ADRA1D: variants seen among roughly 807,000 people sequenced by gnomAD.
The protein encoded by ADRA1D is adrenoceptor alpha 1D, also known as alpha-1D adrenergic receptor.
A neutral mutation model predicts 18.6 loss-of-function variants in ADRA1D; 22 were observed. The ratio of observed to expected loss-of-function variants is 1.19; its 90% CI spans 0.85 to 1.69. The LOEUF is 1.69. Ranked by LOEUF, ADRA1D falls within the 40% of genes most tolerant of loss-of-function variation. ADRA1D has a pLI of 0.00. For synonymous variants in ADRA1D, 376 were observed against 388.2 expected, an observed-to-expected ratio of 0.97 and a Z score of 0.37; for missense variants, 840 against 840.7, an observed-to-expected ratio of 1.00 and a Z score of 0.01.
chr20:4,229,416 G>A (rs1021710411), intron 1 of ADRA1D, among the ~76,000 whole-genome samples: 2 of 79,418 alleles, frequency 2.5e-5, no homozygotes, highest in Non-Finnish European at 6.0e-5. Flanking sequence ...AATGAAGCAG[G>A]AAGGAAGATG....
chr20:4,235,835 G>C (rs4815669), intron 1 of ADRA1D, among the ~76,000 whole-genome samples: 1 of 152,148 alleles, frequency 6.6e-6, no homozygotes, highest in Non-Finnish European at 1.5e-5. Flanking sequence ...TGCACGGTGG[G>C]GCTGGGGGGT....
In ADRA1D at chr20:4,248,123, C is replaced by T; in HGVS notation, c.835G>A (p.Val279Met). Residue 279 changes from valine to methionine, a missense_variant, in exon 1 of 2, where the codon GTG becomes ATG. Physicochemically the swap from Val to Met is conservative, Grantham distance 21. Coordinates refer to ENST00000379453, the MANE Select transcript of ADRA1D (RefSeq NM_000678.4). The stretch of plus-strand genomic sequence containing the variant: ...CTGCGCGTGGTGCTGCGCGCGACCA[C>T]GTACACGCGGCAGTACATGACCACG... ...VIVVMYCRVY[V>M]VARSTTRSLE... 6.4e-7 allele frequency: 1 copy of T among 1,567,022 alleles called. No homozygotes were observed. The highest frequency in any genetic ancestry group is 8.7e-7 in the Non-Finnish European group (1 of 1,155,856).
intron 1 of ADRA1D, among the ~76,000 whole-genome samples, chr20:4,240,775 C>T (rs1981193132): frequency 6.6e-6 from 1 of 152,080 alleles, no homozygotes; most frequent in South Asian, 2.1e-4. Context: ...GACTGGGAGA[C>T]AGAGAGACTC....
chr20:4,243,928 G>T (rs1009965345), intron 1 of ADRA1D, among the ~76,000 whole-genome samples: 1 of 152,204 alleles, frequency 6.6e-6, no homozygotes, highest in Non-Finnish European at 1.5e-5. Context: ...TACTCTCTGG[G>T]ATTCTCTGGA....
intron 1 of ADRA1D, among the ~76,000 whole-genome samples, chr20:4,231,347 G>A (rs956970515): frequency 1.3e-5 from 2 of 151,442 alleles, no homozygotes; most frequent in Non-Finnish European, 2.9e-5. Flanking sequence ...TTGAACCCCT[G>A]GCCTCAAATG....
intron 1 of ADRA1D, among the ~76,000 whole-genome samples, chr20:4,228,219 C>T (rs1406792035): frequency 6.6e-6 from 1 of 152,164 alleles, no homozygotes; most frequent in East Asian, 1.9e-4. Flanking sequence ...GAGACTCATC[C>T]AGCCAGATCC....
In ADRA1D at chr20:4,247,922, C is replaced by T. The variant is rs1981374231; in HGVS notation, c.1036G>A (p.Ala346Thr). 1.2e-6 allele frequency: 2 copies of T among 1,605,110 alleles called. No homozygotes were observed. Among genetic ancestry groups the T allele is most frequent in the South Asian group, 2.2e-5 (2 of 89,420 alleles). The change falls in exon 1 of 2, where the codon GCG becomes ACG. Residue 346 changes from alanine to threonine, a missense_variant. Physicochemically the swap from Ala to Thr is moderately conservative, Grantham distance 58. Coordinates refer to ENST00000379453, the MANE Select transcript of ADRA1D (RefSeq NM_000678.4). ...ACGACGATGGCCAGAGTCTTGGCCG[C>T]TTTCTTCTCACGGGAGAACTTGAGC... is the stretch of plus-strand genomic sequence containing the variant. ...RLLKFSREKK[A>T]AKTLAIVVGV...
intron 1 of ADRA1D, among the ~76,000 whole-genome samples, chr20:4,233,518 A>T (rs542250826): frequency 3.3e-5 from 5 of 152,120 alleles, no homozygotes; most frequent in African/African-American, 1.2e-4. Flanking sequence ...TCTCAACAAG[A>T]GAACAGATCA....
intron 1 of ADRA1D, among the ~76,000 whole-genome samples, chr20:4,243,680 C>CCT: frequency 6.6e-6 from 1 of 151,996 alleles, no homozygotes; most frequent in Non-Finnish European, 1.5e-5. Flanking sequence ...GGTGCCCTCC[C>CCT]CTCTCTCTCG....
intron 1 of ADRA1D, among the ~76,000 whole-genome samples, chr20:4,232,168 C>T (rs1447290472): frequency 2.0e-5 from 3 of 152,214 alleles, no homozygotes; most frequent in Non-Finnish European, 4.4e-5. Flanking sequence ...CCCGCCTCGG[C>T]TTCCTAAAAT....
At chr20:4,243,859 T>C (rs1473747133) in intron 1 of ADRA1D, among the ~76,000 whole-genome samples, 1 of 152,204 alleles carries the variant, frequency 6.6e-6, no homozygotes. Flanking sequence ...GGACATGCTC[T>C]GCAGTTGTTC....
chr20:4,248,351 T>C lies in ADRA1D; in HGVS notation c.607A>G (p.Lys203Glu), dbSNP rs761814084. 3.4e-5 allele frequency: 54 copies of C among 1,606,520 alleles called. No homozygotes were observed. Among genetic ancestry groups the C allele is most frequent in the Non-Finnish European group, 4.4e-5 (52 of 1,176,886 alleles). Residue 203 changes from lysine to glutamate, a missense_variant, in exon 1 of 2, where the codon AAG (lysine) becomes GAG (glutamate). By Grantham distance (56) the Lys-to-Glu change is moderately conservative. Transcript: ENST00000379453. ...CGCTCGGTCATGATGGCTGGGTACT[T>C]GAGTGAGTGGCGCACGCCCACGTAC... is the stretch of plus-strand genomic sequence containing the variant. ...DRYVGVRHSL[K>E]YPAIMTERKA...
intron 1 of ADRA1D, among the ~76,000 whole-genome samples, chr20:4,224,349 G>C (rs1239288915): frequency 1.3e-5 from 2 of 152,052 alleles, no homozygotes; most frequent in Non-Finnish European, 2.9e-5. Flanking sequence ...ATGGGGCAGG[G>C]GCACTAGGAT....
At position 4,248,396 on chromosome 20, in the gene ADRA1D, A is replaced by G; in HGVS notation, c.562T>C (p.Cys188Arg). 1 of 1,610,468 alleles carries G rather than the reference A, an allele frequency of 6.2e-7. No individual in the cohort carries two copies. ...LCCTASILSLCTISVDRYVGV... is the reference protein window; with the variant it reads ...LCCTASILSLRTISVDRYVGV... ...ACGTACCGGTCCACGGAGATGGTGC[A>G]GAGGCTGAGGATGGAGGCCGTGCAG... is the stretch of plus-strand genomic sequence containing the variant. The change falls in exon 1 of 2, where the codon TGC (cysteine) becomes CGC (arginine). Residue 188 changes from cysteine to arginine, a missense_variant. Physicochemically the swap from Cys to Arg is radical, Grantham distance 180. Transcript: ENST00000379453.
At position 4,221,844 on chromosome 20, in the gene ADRA1D, C is replaced by T; in HGVS notation, c.1398G>A (p.Ala466=). ...APPGAPLALT[A]LPDPDPEPPG... ...GGGGTTCGGGGTCGGGGTCGGGGAG[C>T]GCGGTGAGGGCCAGCGGCGCTCCGG... The change falls in exon 2 of 2, where the codon GCG becomes GCA. Residue 466 remains alanine, a synonymous_variant. Transcript: ENST00000379453. 3 of 1,482,348 alleles carry T rather than the reference C, an allele frequency of 2.0e-6. No homozygotes were observed. The highest frequency in any genetic ancestry group is 1.3e-5 in the South Asian group (1 of 75,880). 91.8% of individuals were successfully genotyped at this position (1,482,348 alleles called of 1,614,324 possible). A position where few individuals can be genotyped will look rare whatever the true frequency, so the allele number is the denominator to read the frequency against.
chr20:4,247,098 C>T (rs1404358167), intron 1 of ADRA1D, among the ~76,000 whole-genome samples: 4 of 152,336 alleles, frequency 2.6e-5, no homozygotes, highest in South Asian at 4.1e-4. Context: ...GGGTAGGAGG[C>T]GGCCTCTGAA....
Position 4,223,652 on chromosome 20 carries a change from G to A in ADRA1D, c.1112-1522C>T, listed in dbSNP as rs573448060. On this transcript the variant is annotated intron_variant, in intron 1 of 1. Transcript: ENST00000379453. The stretch of plus-strand genomic sequence containing the variant: ...TTACAATGGTGCAAAAGTGATACGC[G>A]TTCAGTAGAAACCATACTTCAAGTA... Among the ~76,000 whole-genome samples, 12 of 152,224 alleles carry A rather than the reference G, an allele frequency of 7.9e-5. No individual in the cohort carries two copies. The South Asian group carries it at 1.7e-3, about 21-fold the overall frequency.
In ADRA1D at chr20:4,221,679, G is replaced by A; in HGVS notation, c.1563C>T (p.Ile521=). ...RAKVSSLSHK[I]RAGGAQRAEA... is the part of the protein sequence containing the mutation. ...CTGCGCGCTGCGCGCCCCCGGCGCG[G>A]ATCTTGTGCGACAGGCTGGAGACTT... Residue 521 remains isoleucine, a synonymous_variant, in exon 2 of 2, where the codon ATC becomes ATT. Transcript: ENST00000379453. The A allele has an allele frequency of 6.2e-7, 1 of 1,612,390 alleles. No homozygotes were observed. Among genetic ancestry groups the A allele is most frequent in the South Asian group, 1.1e-5 (1 of 91,028 alleles).
At chr20:4,225,053 G>A (rs1980763937) in intron 1 of ADRA1D, among the ~76,000 whole-genome samples, 1 of 148,522 alleles carries the variant, frequency 6.7e-6, no homozygotes, top group Middle Eastern at 3.4e-3. Context: ...CCAGGCTGGA[G>A]TGCAATGGTG....
Sources: gnomAD v4.1 joint callset for allele counts (sites outside exome capture counted in the v4.1 genomes callset) on GRCh38, gnomAD v4.1.1 for gene constraint, MANE v1.5 for transcripts, NCBI Gene and HGNC (gene_info 2026-07-23, HGNC 2026-07-21) for gene names.